NAV2: variants seen among roughly 807,000 people sequenced by gnomAD.
NAV2 encodes the protein helicase, APC down-regulated 1.
Under a neutral mutation model 223.2 loss-of-function variants are expected in NAV2, and 54 were observed. The observed-to-expected ratio is 0.24, with a 90% CI of 0.19 to 0.30. NAV2 has a LOEUF of 0.30. Ranked by LOEUF, NAV2 falls within the 10% of genes least tolerant of loss-of-function variation. The probability of loss-of-function intolerance (pLI) is 1.00; values close to 1 mark genes in which losing one functional copy is unlikely to be tolerated. For missense variants in NAV2, 2,806 were observed against 3,147.5 expected, an observed-to-expected ratio of 0.89 and a Z score of 2.60; for synonymous variants, 1,279 against 1,239.3, an observed-to-expected ratio of 1.03 and a Z score of -0.67.
At chr11:19,796,154 AG>A (rs2057875711) in intron 1 of NAV2, among the ~76,000 whole-genome samples, 1 of 152,238 alleles carries the variant, frequency 6.6e-6, no homozygotes, top group Non-Finnish European at 1.5e-5. Context: ...ACCTCAAACA[AG>A]AAGAGATTTC....
chr11:19,538,801 A>G (rs923182763), intron 1 of NAV2, among the ~76,000 whole-genome samples: 2 of 152,090 alleles, frequency 1.3e-5, no homozygotes, highest in Non-Finnish European at 2.9e-5. Context: ...AATAATATGG[A>G]GAGATTTTGT....
intron 6 of NAV2, among the ~76,000 whole-genome samples, chr11:19,921,601 C>A (rs1030806187): frequency 2.6e-5 from 4 of 152,136 alleles, no homozygotes; most frequent in Non-Finnish European, 5.9e-5. Flanking sequence ...ATATCTTGTA[C>A]CCAGAGAAAA....
intron 1 of NAV2, among the ~76,000 whole-genome samples, chr11:19,392,313 C>T (rs1206037203): frequency 6.6e-6 from 1 of 152,240 alleles, no homozygotes; most frequent in East Asian, 1.9e-4. Flanking sequence ...ACCACTCCAA[C>T]ACAATGACTT....
chr11:19,688,414 C>T (rs1170680294), intron 1 of NAV2, among the ~76,000 whole-genome samples: 1 of 152,320 alleles, frequency 6.6e-6, no homozygotes, highest in East Asian at 1.9e-4. Context: ...CTGTGATTCT[C>T]AGACTATGCC....
At chr11:20,018,888 G>A (rs1161348978) in intron 11 of NAV2, among the ~76,000 whole-genome samples, 1 of 152,172 alleles carries the variant, frequency 6.6e-6, no homozygotes, top group African/African-American at 2.4e-5. Context: ...GCCGCCAGTG[G>A]GAGACATGGG....
At chr11:19,474,003 C>T (rs1233896781) in intron 1 of NAV2, among the ~76,000 whole-genome samples, 2 of 152,248 alleles carry the variant, frequency 1.3e-5, no homozygotes, top group Non-Finnish European at 2.9e-5. Flanking sequence ...TGCAGGCCCA[C>T]TATTCCTTCT....
rs74948635 is a variant in NAV2, at chr11:20,008,802, G to A, written c.2768+24555G>A. 8.9e-3 allele frequency among the ~76,000 whole-genome samples: 1,336 copies of A among 150,872 alleles called. 12 individuals carry two copies. The highest frequency in any genetic ancestry group is 0.015 in the Non-Finnish European group (1,026 of 67,892). On this transcript the variant is annotated intron_variant, in intron 11 of 37. Transcript: ENST00000349880. ...TTTGCACAGAGTGGTGTGTGTGCTT[G>A]CACATGCTTAATTTCCCTGGCATCT...
rs745727554 is a variant in NAV2 at position 19,933,881 on chromosome 11, G to C, written c.1637G>C (p.Gly546Ala). The C allele has an allele frequency of 1.5e-5, 24 of 1,598,940 alleles. No homozygotes were observed. The South Asian group carries it at 2.0e-4, about 13-fold the overall frequency. Reference sequence around the variant, plus strand: ...AAGATTGCCAGCTTCATCCCCAAAGGGGGGAAGCTCAACAGTGCCAAGAAG... The same window carrying C: ...AAGATTGCCAGCTTCATCCCCAAAGCGGGGAAGCTCAACAGTGCCAAGAAG... ...SSKIASFIPK[G>A]GKLNSAKKEP... The change falls in exon 7 of 38, where the codon GGG becomes GCG. Residue 546 changes from glycine to alanine, a missense_variant. Coordinates refer to ENST00000349880, the MANE Select transcript of NAV2 (RefSeq NM_145117.5). The surrounding 1 kb of genome is among the most constrained non-coding windows in gnomAD (Gnocchi z 4.3).
At chr11:19,743,427 G>A (rs78475076) in intron 1 of NAV2, among the ~76,000 whole-genome samples, 11,168 of 152,296 alleles carry the variant, frequency 0.073, 531 homozygotes, top group Non-Finnish European at 0.098. Context: ...GGTGGGTGAA[G>A]CACTGGGGTC....
intron 1 of NAV2, among the ~76,000 whole-genome samples, chr11:19,722,848 T>C (rs1481620696): frequency 6.6e-6 from 1 of 152,198 alleles, no homozygotes; most frequent in Non-Finnish European, 1.5e-5. Context: ...ACCTGAACAC[T>C]GTCTGGAGCC....
At chr11:19,459,440 T>C (rs1852076438) in intron 1 of NAV2, among the ~76,000 whole-genome samples, 1 of 152,186 alleles carries the variant, frequency 6.6e-6, no homozygotes, top group African/African-American at 2.4e-5. Context: ...TTCACTCAGG[T>C]GATTTCCTTA....
Position 19,664,817 on chromosome 11 carries a change from T to C in NAV2, c.76-167667T>C, listed in dbSNP as rs143387631. ...GAAGGAGAGGAAATGGAAGAACATGTATTGAACACCTACTATGTGTTTGCA... is the reference window on the plus strand; with the variant it reads ...GAAGGAGAGGAAATGGAAGAACATGCATTGAACACCTACTATGTGTTTGCA... On this transcript the variant is annotated intron_variant, in intron 1 of 37. Transcript: ENST00000360655. Among the ~76,000 whole-genome samples the C allele has an allele frequency of 3.9e-5, 6 of 152,352 alleles. No homozygotes were observed. The East Asian group carries it at 1.2e-3, about 29-fold the overall frequency.
At chr11:19,764,852 A>G (rs1316908879) in intron 1 of NAV2, among the ~76,000 whole-genome samples, 1 of 152,184 alleles carries the variant, frequency 6.6e-6, no homozygotes, top group Non-Finnish European at 1.5e-5. Flanking sequence ...TGTCAGTGGC[A>G]GCAACACCTG....
chr11:20,027,430 G>A (rs1458084521), intron 11 of NAV2: 1 of 985,428 alleles, frequency 1.0e-6, no homozygotes, highest in African/African-American at 1.7e-5. Flanking sequence ...TAAATGGGCT[G>A]TGCCTTGATT....
intron 10 of NAV2, among the ~76,000 whole-genome samples, chr11:19,963,964 G>A (rs773067078): frequency 2.0e-5 from 3 of 152,080 alleles, no homozygotes; most frequent in Admixed American, 1.3e-4. Context: ...CATGATACCC[G>A]AATTTCTCTG....
At chr11:19,493,888 C>T (rs1043001849) in intron 1 of NAV2, among the ~76,000 whole-genome samples, 5 of 152,132 alleles carry the variant, frequency 3.3e-5, no homozygotes, top group Non-Finnish European at 7.3e-5. Flanking sequence ...AAGAAAGGCC[C>T]GAAAGAAAGC....
intron 1 of NAV2, among the ~76,000 whole-genome samples, chr11:19,615,491 T>C (rs1218994263): frequency 6.6e-6 from 1 of 152,034 alleles, no homozygotes; most frequent in Non-Finnish European, 1.5e-5. Flanking sequence ...TAAAAATGCA[T>C]TTCGTATATG....
rs188172025 is a variant in NAV2 at position 19,987,051 on chromosome 11, A to T, written c.2768+2804A>T. 1.8e-3 allele frequency among the ~76,000 whole-genome samples: 268 copies of T among 152,304 alleles called. 1 individual carries two copies. Among genetic ancestry groups the T allele is most frequent in the African/African-American group, 6.0e-3 (248 of 41,564 alleles). ...TACATTTTAATTTTAATATTTTTTT[A>T]AAAACTTACAACTAGCACATCAAAC... On this transcript the variant is annotated intron_variant, in intron 11 of 37. Coordinates refer to ENST00000349880, the MANE Select transcript of NAV2 (RefSeq NM_145117.5).
chr11:20,082,926 T>C, intron 25 of NAV2, 81 bp from the exon 26 acceptor site: 1 of 1,340,628 alleles, frequency 7.5e-7, no homozygotes, highest in South Asian at 1.5e-5. Flanking sequence ...ATTAATCGCT[T>C]TTTTGTGTGC....
Sources: allele counts gnomAD v4.1 joint callset (sites outside exome capture counted in the v4.1 genomes callset), GRCh38; gene constraint gnomAD v4.1.1; non-coding constraint Gnocchi (gnomAD v3.1); transcripts MANE v1.5; gene names NCBI Gene and HGNC (gene_info 2026-07-23, HGNC 2026-07-21).